The following NTM variants were observed in gnomAD, a reference collection of about 807,000 sequenced individuals.
The protein encoded by NTM is neurotrimin.
A neutral mutation model predicts 42.1 loss-of-function variants in NTM; 13 were observed. The observed-to-expected ratio is 0.31, with a 90% CI of 0.20 to 0.49. The LOEUF (loss-of-function observed/expected upper bound fraction) is 0.49. NTM is among the 20% of genes least tolerant of loss of function. The pLI, the probability that NTM is intolerant of heterozygous loss-of-function variation, is 0.99. For synonymous variants in NTM, 187 were observed against 179.2 expected, an observed-to-expected ratio of 1.04 and a Z score of -0.35; for missense variants, 373 against 452.8, an observed-to-expected ratio of 0.82 and a Z score of 1.60.
At chr11:131,785,981 T>C (rs1360197818) in intron 1 of NTM, among the ~76,000 whole-genome samples, 1 of 152,150 alleles carries the variant, frequency 6.6e-6, no homozygotes, top group Admixed American at 6.5e-5. Flanking sequence ...AGATACCAGA[T>C]GGAAAGGAAG....
intron 2 of NTM, among the ~76,000 whole-genome samples, chr11:131,975,998 C>T (rs1448169984): frequency 6.6e-6 from 1 of 152,152 alleles, no homozygotes; most frequent in Admixed American, 6.5e-5. Flanking sequence ...CTAACCTGCC[C>T]TCCCTGGGGT....
intron 4 of NTM, among the ~76,000 whole-genome samples, chr11:132,276,190 G>C (rs1325336493): frequency 6.6e-6 from 1 of 152,050 alleles, no homozygotes; most frequent in East Asian, 1.9e-4. Context: ...TTTTTGTGTG[G>C]CTGAATAGTA....
intron 1 of NTM, among the ~76,000 whole-genome samples, chr11:131,418,095 C>T (rs1947134218): frequency 6.6e-6 from 1 of 152,210 alleles, no homozygotes; most frequent in Non-Finnish European, 1.5e-5. Flanking sequence ...GCTTGCCATT[C>T]AGACAGCAAT....
intron 1 of NTM, among the ~76,000 whole-genome samples, chr11:131,551,825 C>T (rs1339785953): frequency 6.6e-6 from 1 of 152,150 alleles, no homozygotes; most frequent in East Asian, 1.9e-4. Flanking sequence ...AAGGCAGCCA[C>T]ATGATGAACT....
At chr11:131,978,526 C>T (rs112090871) in intron 2 of NTM, among the ~76,000 whole-genome samples, 1 of 152,050 alleles carries the variant, frequency 6.6e-6, no homozygotes, top group Non-Finnish European at 1.5e-5. Flanking sequence ...GGAGTCTCTT[C>T]CCTATTTCCT....
intron 1 of NTM, among the ~76,000 whole-genome samples, chr11:131,650,072 G>T (rs1234845369): frequency 6.6e-6 from 1 of 152,198 alleles, no homozygotes; most frequent in Non-Finnish European, 1.5e-5. Flanking sequence ...CTGGTTTCTG[G>T]AGGAGGGAAC....
At chr11:132,132,742 A>G (rs2067052919) in intron 2 of NTM, among the ~76,000 whole-genome samples, 2 of 152,174 alleles carry the variant, frequency 1.3e-5, no homozygotes, top group African/African-American at 4.8e-5. Context: ...CAGAAAGACT[A>G]CGGACTCAGG....
At chr11:132,069,946 C>T (rs2057247047) in intron 2 of NTM, among the ~76,000 whole-genome samples, 1 of 143,832 alleles carries the variant, frequency 7.0e-6, no homozygotes, top group South Asian at 2.2e-4. Flanking sequence ...GGTTAGTTAA[C>T]ATGTCACACA....
intron 2 of NTM, among the ~76,000 whole-genome samples, chr11:132,108,628 A>G (rs1479942654): frequency 2.0e-5 from 3 of 152,126 alleles, no homozygotes; most frequent in Non-Finnish European, 2.9e-5. Flanking sequence ...ATCACCACTA[A>G]AGAACGTATC....
intron 1 of NTM, among the ~76,000 whole-genome samples, chr11:131,390,440 T>C (rs935649130): frequency 1.4e-4 from 22 of 152,114 alleles, no homozygotes; most frequent in Non-Finnish European, 3.1e-4. Context: ...AAGGGGAAAC[T>C]GAGTCTTGGC....
intron 1 of NTM, among the ~76,000 whole-genome samples, chr11:131,903,215 G>A (rs190414688): frequency 6.6e-5 from 10 of 152,300 alleles, no homozygotes; most frequent in African/African-American, 1.9e-4. Flanking sequence ...CTTCTAACCC[G>A]GATATTCCAA....
intron 4 of NTM, among the ~76,000 whole-genome samples, chr11:132,245,804 CCT>C (rs915417424): frequency 2.8e-4 from 42 of 152,246 alleles, no homozygotes; most frequent in African/African-American, 9.6e-4. Context: ...CCCTTCCTCT[CCT>C]CTTTCTTAGG....
intron 1 of NTM, among the ~76,000 whole-genome samples, chr11:131,639,747 G>A (rs868136442): frequency 2.0e-5 from 3 of 152,174 alleles, no homozygotes; most frequent in Middle Eastern, 3.4e-3. Flanking sequence ...CACAAGGTCA[G>A]GAGTTCGAGA....
chr11:132,301,107 A>C (rs2094832294), intron 4 of NTM, among the ~76,000 whole-genome samples: 1 of 152,330 alleles, frequency 6.6e-6, no homozygotes, highest in South Asian at 2.1e-4. Context: ...AAAGAGGTTT[A>C]ATCGACTCAC....
At position 131,851,532 on chromosome 11, in the gene NTM, CGTGTGTGTGT is replaced by C. The variant is rs71067340; in HGVS notation, c.83-60004_83-59995del. 2.4e-3 allele frequency among the ~76,000 whole-genome samples: 353 copies of C among 146,806 alleles called. 1 individual carries two copies. Among genetic ancestry groups the C allele is most frequent in the African/African-American group, 8.5e-3 (336 of 39,538 alleles). The stretch of plus-strand genomic sequence containing the variant: ...ACATCACATGCCCTGGTGAGAATGG[CGTGTGTGTGT>C]GTGTGTGTGTGTGTGTGTGTGTGTG... On this transcript the variant is annotated intron_variant, in intron 1 of 8. Coordinates refer to ENST00000683400, the MANE Select transcript of NTM (RefSeq NM_001352005.2).
chr11:131,974,775 G>A (rs1242466673), intron 2 of NTM, among the ~76,000 whole-genome samples: 1 of 151,976 alleles, frequency 6.6e-6, no homozygotes, highest in African/African-American at 2.4e-5. Context: ...TAACATATGT[G>A]CAAGGCTTGG....
intron 1 of NTM, among the ~76,000 whole-genome samples, chr11:131,895,505 T>C (rs1218360449): frequency 6.6e-6 from 1 of 152,202 alleles, no homozygotes; most frequent in Non-Finnish European, 1.5e-5. Context: ...TGCTCAGTGT[T>C]GGGCAGGTAC....
chr11:132,165,414 A>G (rs774545500), intron 3 of NTM, among the ~76,000 whole-genome samples: 34 of 152,124 alleles, frequency 2.2e-4, no homozygotes, highest in Non-Finnish European at 3.7e-4. Flanking sequence ...TGCTTCAGCC[A>G]TTTATCCCAT....
At chr11:131,657,662 A>G (rs2067382069) in intron 1 of NTM, among the ~76,000 whole-genome samples, 1 of 152,238 alleles carries the variant, frequency 6.6e-6, no homozygotes, top group South Asian at 2.1e-4. Context: ...GAAGGCAGGC[A>G]TCATATCTCT....
Sources: allele counts gnomAD v4.1 joint callset (sites outside exome capture counted in the v4.1 genomes callset), GRCh38; gene constraint gnomAD v4.1.1; transcripts MANE v1.5; gene names NCBI Gene and HGNC (gene_info 2026-07-23, HGNC 2026-07-21).